Variants in HHIPL2 observed in about 807,000 individuals in gnomAD.
HHIPL2 encodes HHIP-like protein 2.
HHIPL2 carries 61 observed loss-of-function variants against 61.0 expected under a neutral mutation model. The observed-to-expected ratio is 1.00, with a 90% CI of 0.81 to 1.24. HHIPL2 has a LOEUF of 1.24. Ranked by LOEUF, HHIPL2 falls within the 50% of genes most tolerant of loss-of-function variation. The pLI is 0.00. For synonymous variants in HHIPL2, 343 were observed against 357.4 expected (o/e 0.96, Z 0.45); for missense variants, 885 against 910.2 (o/e 0.97, Z 0.36).
intron 5 of HHIPL2, among the ~76,000 whole-genome samples, chr1:222,534,493 C>T (rs964052991): frequency 1.3e-5 from 2 of 151,372 alleles, no homozygotes; most frequent in African/African-American, 2.4e-5. Context: ...AGGAGAAGGG[C>T]GTGAACCCGG....
chr1:222,531,888 A>T, intron 6 of HHIPL2, 78 bp downstream of exon 6: 1 of 1,328,410 alleles, frequency 7.5e-7, no homozygotes, highest in Non-Finnish European at 1.0e-6. Flanking sequence ...ATTACTATTT[A>T]AAATAAACGT....
At chr1:222,523,562 C>T in intron 8 of HHIPL2, 50 bp downstream of exon 8, 2 of 1,553,332 alleles carry the variant, frequency 1.3e-6, no homozygotes, top group Non-Finnish European at 1.8e-6. Context: ...GAGGGCACTG[C>T]CTTAGCCTCC....
chr1:222,538,181 T>G (rs1247188682), intron 5 of HHIPL2, among the ~76,000 whole-genome samples: 1 of 148,262 alleles, frequency 6.7e-6, no homozygotes, highest in African/African-American at 2.5e-5. Context: ...GTGAGAGTGC[T>G]TATCTCTGGC....
At chr1:222,534,164 C>T (rs1659249302) in intron 5 of HHIPL2, among the ~76,000 whole-genome samples, 1 of 152,132 alleles carries the variant, frequency 6.6e-6, no homozygotes, top group African/African-American at 2.4e-5. Context: ...ACACTACTTC[C>T]AAGTAACTTA....
chr1:222,529,021 T>C (rs976785502), intron 6 of HHIPL2, among the ~76,000 whole-genome samples: 5 of 151,820 alleles, frequency 3.3e-5, no homozygotes, highest in East Asian at 1.9e-4. Flanking sequence ...GGGGTTTCCC[T>C]ATGTTGCTCA....
At chr1:222,526,659 GGCACCATT>G (rs1214578252) in intron 7 of HHIPL2, among the ~76,000 whole-genome samples, 1 of 143,684 alleles carries the variant, frequency 7.0e-6, no homozygotes, top group African/African-American at 2.6e-5. Context: ...GAGACAAGAT[GGCACCATT>G]GCACTCCAGC....
intron 5 of HHIPL2, among the ~76,000 whole-genome samples, chr1:222,536,293 C>T (rs1188693698): frequency 6.6e-6 from 1 of 151,942 alleles, no homozygotes; most frequent in Non-Finnish European, 1.5e-5. Context: ...CCAACTGTAT[C>T]TAGAATAAGA....
rs1235799232 is a variant in HHIPL2 at position 222,523,015 on chromosome 1, C to T, written c.1889-128G>A. On this transcript the variant is annotated intron_variant, in intron 8 of 8. Coordinates refer to ENST00000343410, the MANE Select transcript of HHIPL2 (RefSeq NM_024746.4). ...TTAATACTTTTAATTCTCTAACTGG[C>T]CTTGGTCTAAATATATGACTTTTTT... 6 of 780,850 alleles carry T rather than the reference C, an allele frequency of 7.7e-6. No individual in the cohort carries two copies. The South Asian group carries it at 9.6e-5, about 13-fold the overall frequency. The allele number at this position is 780,850 out of a possible 1,614,324, so 48.4% of individuals were successfully genotyped here.
Position 222,542,159 on chromosome 1 carries a change from G to A in HHIPL2, c.975-4C>T. The A allele has an allele frequency of 6.2e-7, 1 of 1,611,394 alleles. No individual in the cohort carries two copies. The highest frequency in any genetic ancestry group is 8.5e-7 in the Non-Finnish European group (1 of 1,179,418). On this transcript the variant is annotated splice_polypyrimidine_tract_variant and splice_region_variant and intron_variant, in intron 2 of 8. Coordinates refer to ENST00000343410, the MANE Select transcript of HHIPL2 (RefSeq NM_024746.4). ...TTCTTCAATCTCCAAGATGACCCTG[G>A]AAGAGAAAAAAGAAACCACACGTTA... is the stretch of plus-strand genomic sequence containing the variant.
At chr1:222,537,334 T>C (rs1473582883) in intron 5 of HHIPL2, among the ~76,000 whole-genome samples, 3 of 150,768 alleles carry the variant, frequency 2.0e-5, no homozygotes, top group Non-Finnish European at 4.4e-5. Context: ...GATGTTACTG[T>C]GTAACATCAC....
intron 4 of HHIPL2, chr1:222,539,072 T>TA (rs370076844): frequency 5.3e-5 from 19 of 357,530 alleles, no homozygotes; most frequent in African/African-American, 2.9e-4. Context: ...CCTAGGTTGA[T>TA]ATGGCAGAAA....
At position 222,543,652 on chromosome 1, in the gene HHIPL2, G is replaced by T; in HGVS notation, c.859C>A (p.Arg287Ser). Residue 287 changes from arginine (R) to serine (S), a missense_variant, in exon 2 of 9, where the codon CGC (arginine) becomes AGC (serine). Coordinates refer to ENST00000343410, the MANE Select transcript of HHIPL2 (RefSeq NM_024746.4). The part of the protein sequence containing the change: ...LAFHPKFRHN[R>S]KFYIYYSCLD... The stretch of plus-strand genomic sequence containing the variant: ...CACGAATAATAAATATAGAACTTGC[G>T]ATTGTGGCGGAATTTGGGGTGAAAA... 1 of 1,614,038 alleles carries T rather than the reference G, an allele frequency of 6.2e-7. No homozygotes were observed. The highest frequency in any genetic ancestry group is 8.5e-7 in the Non-Finnish European group (1 of 1,180,026).
chr1:222,547,810 C>T lies in HHIPL2; in HGVS notation c.235G>A (p.Ala79Thr), dbSNP rs775790681. 4 of 1,614,058 alleles carry T rather than the reference C, an allele frequency of 2.5e-6. No homozygotes were observed. Among genetic ancestry groups the T allele is most frequent in the African/African-American group, 1.3e-5 (1 of 74,918 alleles). Residue 79 changes from alanine to threonine, a missense_variant, in exon 1 of 9, where the codon GCT becomes ACT. Ala to Thr is a moderately conservative substitution (Grantham distance 58). Transcript: ENST00000343410. ...TCCATGATGTCCCAGTACCGGGCAG[C>T]GATGCGGCGGTCCTTGTGCTGATCA... Reference protein sequence around the residue: ...CCDQHKDRRIAARYWDIMEYF... With the variant: ...CCDQHKDRRITARYWDIMEYF...
At chr1:222,538,796 G>A (rs1444337938) in intron 4 of HHIPL2, 22 bp from the exon 5 acceptor site, 1 of 1,611,726 alleles carries the variant, frequency 6.2e-7, no homozygotes, top group Admixed American at 1.7e-5. Flanking sequence ...AGAGGAAAGA[G>A]AGTGAGTGTC....
In HHIPL2 at chr1:222,531,921, C is replaced by T. The variant is rs201003708; in HGVS notation, c.1723+45G>A. On this transcript the variant is annotated intron_variant, in intron 6 of 8. Transcript: ENST00000343410. Reference sequence around the variant, plus strand: ...CGTTCAGTTGATGCCTGTGATTATCCGAGTTCTAGTAAGCAGAAATCAAAC... The same window carrying T: ...CGTTCAGTTGATGCCTGTGATTATCTGAGTTCTAGTAAGCAGAAATCAAAC... The T allele has an allele frequency of 2.2e-5, 34 of 1,540,072 alleles. No individual in the cohort carries two copies. The African/African-American group carries it at 3.2e-4, about 14-fold the overall frequency.
intron 5 of HHIPL2, among the ~76,000 whole-genome samples, chr1:222,535,411 T>C (rs1055970499): frequency 2.6e-5 from 4 of 152,204 alleles, no homozygotes; most frequent in African/African-American, 9.6e-5. Context: ...ACATTCTTAT[T>C]GCCACTGTAA....
chr1:222,532,879 C>T (rs1465735556), intron 5 of HHIPL2, among the ~76,000 whole-genome samples: 2 of 152,206 alleles, frequency 1.3e-5, no homozygotes, highest in Admixed American at 1.3e-4. Context: ...ATTATTATTG[C>T]TGTATATTTA....
In HHIPL2 at chr1:222,544,055, G is replaced by C; in HGVS notation, c.456C>G (p.Thr152=). 1 of 1,614,168 alleles carries C rather than the reference G, an allele frequency of 6.2e-7. No individual in the cohort carries two copies. The highest frequency in any genetic ancestry group is 8.5e-7 in the Non-Finnish European group (1 of 1,180,044). The change falls in exon 2 of 9, where the codon ACC becomes ACG. Residue 152 remains threonine, a synonymous_variant. Transcript: ENST00000343410. ...GAGACTCCTGGAGGCCGCGGTCATTGGTCAGCAGGGAAATGGCTGAGTGAC... is the reference window on the plus strand; with the variant it reads ...GAGACTCCTGGAGGCCGCGGTCATTCGTCAGCAGGGAAATGGCTGAGTGAC... The part of the protein sequence containing the change: ...SNCHSAISLL[T]NDRGLQESHG...
Position 222,544,201 on chromosome 1 carries a change from C to A in HHIPL2, c.322-12G>T, listed in dbSNP as rs749296594. On this transcript the variant is annotated splice_polypyrimidine_tract_variant and intron_variant, in intron 1 of 8. Coordinates refer to ENST00000343410, the MANE Select transcript of HHIPL2 (RefSeq NM_024746.4). ...TAGGGCGAGCACTCCTAAAAAAGAA[C>A]GCGGAGCTCAGGCTCAGCATCAGAC... is the stretch of plus-strand genomic sequence containing the variant. The A allele has an allele frequency of 1.9e-6, 3 of 1,602,438 alleles. No individual in the cohort carries two copies. Among genetic ancestry groups the A allele is most frequent in the Admixed American group, 3.3e-5 (2 of 59,752 alleles).
Sources: allele counts gnomAD v4.1 joint callset (sites outside exome capture counted in the v4.1 genomes callset), GRCh38; gene constraint gnomAD v4.1.1; transcripts MANE v1.5; gene names NCBI Gene and HGNC (gene_info 2026-07-23, HGNC 2026-07-21).